ARHGAP21: variants seen among roughly 807,000 people sequenced by gnomAD.
The protein encoded by ARHGAP21 is rho GTPase-activating protein 21.
In ARHGAP21, 38 loss-of-function variants were observed where a neutral mutation model predicts 164.6. The observed-to-expected ratio is 0.23, with a 90% CI of 0.18 to 0.30. The LOEUF is 0.30. Among genes scored for constraint, ARHGAP21 ranks in the 10% least tolerant of loss-of-function variants. The probability of loss-of-function intolerance (pLI) is 1.00; values close to 1 mark genes in which losing one functional copy is unlikely to be tolerated. For synonymous variants in ARHGAP21, 766 were observed against 857.9 expected (o/e 0.89, Z 1.87); for missense variants, 1,822 against 2,370.7 (o/e 0.77, Z 4.81).
intron 2 of ARHGAP21, among the ~76,000 whole-genome samples, chr10:24,705,042 C>CA (rs1464941133): frequency 6.6e-6 from 1 of 152,154 alleles, no homozygotes; most frequent in Non-Finnish European, 1.5e-5. Context: ...CTTACTGGAT[C>CA]AATGCACCCC....
intron 7 of ARHGAP21, chr10:24,629,647 A>G (rs1183134884): frequency 9.3e-6 from 2 of 214,264 alleles, no homozygotes; most frequent in Non-Finnish European, 2.0e-5. Flanking sequence ...AGGAAAAAAA[A>G]AAAGATTCTA....
intron 2 of ARHGAP21, among the ~76,000 whole-genome samples, chr10:24,703,541 C>T (rs1204626045): frequency 2.6e-5 from 4 of 152,286 alleles, no homozygotes; most frequent in East Asian, 3.9e-4. Context: ...TTCTTGGGCA[C>T]TAAACTCTGC....
At chr10:24,608,937 G>A (rs923044252) in intron 9 of ARHGAP21, among the ~76,000 whole-genome samples, 1 of 152,140 alleles carries the variant, frequency 6.6e-6, no homozygotes, top group Non-Finnish European at 1.5e-5. Context: ...AAAATTCAAT[G>A]AGGATAACAA....
intron 9 of ARHGAP21, 63 bp downstream of exon 9, chr10:24,619,410 T>G: frequency 6.8e-7 from 1 of 1,473,046 alleles, no homozygotes; most frequent in African/African-American, 1.4e-5. Flanking sequence ...CTAGAAATAA[T>G]ACTTTTCTGG....
chr10:24,658,255 A>G (rs1230131433), intron 4 of ARHGAP21, among the ~76,000 whole-genome samples: 1 of 152,208 alleles, frequency 6.6e-6, no homozygotes, highest in Non-Finnish European at 1.5e-5. Flanking sequence ...ACCATTGTGG[A>G]AGACAGTGTG....
Position 24,607,512 on chromosome 10 carries a change from C to T in ARHGAP21, c.2671G>A (p.Glu891Lys), listed in dbSNP as rs758276294. The change falls in exon 11 of 26, where the codon GAA becomes AAA. Residue 891 changes from glutamate (E) to lysine (K), a missense_variant. This residue lies in a region of ARHGAP21 where 1,090 missense variants were observed against 1,378.9 expected (regional missense o/e 0.79). Transcript: ENST00000396432. ...CCCGAGACTTACAATTTTGCATCTT[C>T]TCTGTAATCATCCAGACCCTCATCA... ...SYDEGLDDYR[E>K]DAKLSFKHVS... The T allele has an allele frequency of 1.1e-5, 18 of 1,612,992 alleles. No homozygotes were observed. The highest frequency in any genetic ancestry group is 5.3e-5 in the African/African-American group (4 of 74,900).
intron 12 of ARHGAP21, among the ~76,000 whole-genome samples, chr10:24,603,992 T>C (rs1009292005): frequency 2.1e-5 from 3 of 143,580 alleles, no homozygotes; most frequent in African/African-American, 7.9e-5. Context: ...TCCTGTCTAA[T>C]AGTTTCTATG....
chr10:24,655,488 G>A (rs1008400079), intron 4 of ARHGAP21, among the ~76,000 whole-genome samples: 7 of 152,206 alleles, frequency 4.6e-5, no homozygotes, highest in African/African-American at 1.4e-4. Flanking sequence ...CTCAAAAGAA[G>A]ACATTTATGC....
chr10:24,589,362 C>T (rs367703958), intron 24 of ARHGAP21, 60 bp from the exon 25 acceptor site: 1 of 1,448,120 alleles, frequency 6.9e-7, no homozygotes, highest in African/African-American at 1.4e-5. Flanking sequence ...TTTCCACAAA[C>T]AATGCAAAAC....
Position 24,596,741 on chromosome 10 carries a change from C to G in ARHGAP21, c.3476G>C (p.Arg1159Pro). The change falls in exon 17 of 26, where the codon CGG becomes CCG. Residue 1159 changes from arginine (R) to proline (P), a missense_variant and splice_region_variant. By Grantham distance (103) the Arg-to-Pro change is moderately radical. Around this residue, in one of 5 missense-constraint regions of ARHGAP21, gnomAD observed 117 missense variants for 238.1 expected, o/e 0.49. Transcript: ENST00000396432. ...LDDCPPAHTN[R>P]YIPLIVDICC... The stretch of plus-strand genomic sequence containing the variant: ...ATCCGGTGGGCTGGTGTCTCCTACC[C>G]GATTAGTATGAGCTGGTGGGCAGTC... 6.2e-7 allele frequency: 1 copy of G among 1,613,474 alleles called. No homozygotes were observed. Among genetic ancestry groups the G allele is most frequent in the South Asian group, 1.1e-5 (1 of 90,958 alleles).
At chr10:24,716,571 G>A (rs1845407566) in intron 2 of ARHGAP21, among the ~76,000 whole-genome samples, 1 of 152,228 alleles carries the variant, frequency 6.6e-6, no homozygotes, top group Non-Finnish European at 1.5e-5. Flanking sequence ...CTCAGGGAGG[G>A]GGAAGGACCA....
rs1419625500 is a variant in ARHGAP21 at position 24,600,495 on chromosome 10, G to A, written c.3132+151C>T. ...AATGTGTGAAAATAATATAAAACAG[G>A]TATGTTTGAGTTTTCCTTTTCATCA... is the stretch of plus-strand genomic sequence containing the variant. On this transcript the variant is annotated intron_variant, in intron 14 of 25. Coordinates refer to ENST00000396432, the MANE Select transcript of ARHGAP21 (RefSeq NM_020824.4). 5 of 922,038 alleles carry A rather than the reference G, an allele frequency of 5.4e-6. No individual in the cohort carries two copies. In the African/African-American group the frequency reaches 8.4e-5, roughly 15 times the overall value. 57.1% of individuals were successfully genotyped at this position (922,038 alleles called of 1,614,324 possible). A position where few individuals can be genotyped will look rare whatever the true frequency, so the allele number is the denominator to read the frequency against.
chr10:24,678,394 C>T (rs2131860517), intron 2 of ARHGAP21, among the ~76,000 whole-genome samples: 1 of 152,264 alleles, frequency 6.6e-6, no homozygotes, highest in African/African-American at 2.4e-5. Context: ...GTTGCCCTTT[C>T]ATAACTATAC....
intron 2 of ARHGAP21, among the ~76,000 whole-genome samples, chr10:24,704,986 A>G (rs1014581517): frequency 6.6e-6 from 1 of 151,962 alleles, no homozygotes; most frequent in Admixed American, 6.6e-5. Flanking sequence ...CTAGCAAAAA[A>G]CCCCAGGCCA....
At chr10:24,614,250 A>G (rs550885229) in intron 9 of ARHGAP21, among the ~76,000 whole-genome samples, 1 of 152,332 alleles carries the variant, frequency 6.6e-6, no homozygotes, top group South Asian at 2.1e-4. Context: ...TTCACTACCT[A>G]TAAAATAAAG....
intron 2 of ARHGAP21, among the ~76,000 whole-genome samples, chr10:24,721,212 AG>A (rs2132353833): frequency 6.6e-6 from 1 of 152,294 alleles, no homozygotes; most frequent in South Asian, 2.1e-4. Flanking sequence ...AGTGAAAGGG[AG>A]GGTATAAATA....
At chr10:24,622,790 A>G (rs1377263647) in intron 7 of ARHGAP21, 28 bp from the exon 8 acceptor site, 1 of 1,605,158 alleles carries the variant, frequency 6.2e-7, no homozygotes, top group Non-Finnish European at 8.5e-7. Flanking sequence ...AACATAGTAG[A>G]AGCTGCTTAC....
At chr10:24,713,237 T>C (rs574310610) in intron 2 of ARHGAP21, among the ~76,000 whole-genome samples, 12 of 152,224 alleles carry the variant, frequency 7.9e-5, no homozygotes, top group African/African-American at 2.2e-4. Flanking sequence ...GGCAAAGAAG[T>C]TGTGGGATTA....
At chr10:24,704,201 C>A (rs1449513626) in intron 2 of ARHGAP21, among the ~76,000 whole-genome samples, 2 of 152,042 alleles carry the variant, frequency 1.3e-5, no homozygotes, top group South Asian at 2.1e-4. Context: ...TTGTGACCTC[C>A]ACCAAATACT....
Sources: allele counts gnomAD v4.1 joint callset (sites outside exome capture counted in the v4.1 genomes callset), GRCh38; gene constraint gnomAD v4.1.1; regional missense constraint gnomAD v4.1.1; transcripts MANE v1.5; gene names NCBI Gene and HGNC (gene_info 2026-07-23, HGNC 2026-07-21).